The following COL17A1 variants were observed in gnomAD, a reference collection of about 807,000 sequenced individuals.
The protein encoded by COL17A1 is collagen alpha-1(XVII) chain.
Under a neutral mutation model 218.4 loss-of-function variants are expected in COL17A1, and 181 were observed. The observed-to-expected ratio is 0.83, with a 90% CI of 0.73 to 0.94. COL17A1 has a LOEUF of 0.94. Among genes scored for constraint, COL17A1 ranks in the 40% least tolerant of loss-of-function variants. The probability of loss-of-function intolerance (pLI) is 0.00; values close to 1 mark genes in which losing one functional copy is unlikely to be tolerated. For missense variants in COL17A1, 1,924 were observed against 1,945.9 expected, an observed-to-expected ratio of 0.99 and a Z score of 0.21; for synonymous variants, 721 against 731.0, an observed-to-expected ratio of 0.99 and a Z score of 0.22.
At chr10:104,054,712 G>A (rs1355992401) in intron 20 of COL17A1, among the ~76,000 whole-genome samples, 3 of 152,162 alleles carry the variant, frequency 2.0e-5, no homozygotes, top group Non-Finnish European at 4.4e-5. Flanking sequence ...TACCCCCTGA[G>A]TCAAAGGCTC....
chr10:104,039,272 C>T, intron 43 of COL17A1, 151 bp from the exon 44 acceptor site: 1 of 1,015,044 alleles, frequency 9.9e-7, no homozygotes, highest in South Asian at 1.3e-5. Flanking sequence ...TGTACAGAGG[C>T]TATATCACCA....
In COL17A1 at chr10:104,055,810, C is replaced by T. The variant is rs752394458; in HGVS notation, c.1659G>A (p.Arg553=). The T allele has an allele frequency of 6.2e-7, 1 of 1,614,186 alleles. No homozygotes were observed. The highest frequency in any genetic ancestry group is 2.2e-5 in the East Asian group (1 of 44,878). ...TTTCCTGTTCCATCATTAGCTTCTT[C>T]CTCACGAACATCCAGAGCTCCTCCT... ...DSQEELWMFV[R]KKLMMEQENG... The change falls in exon 18 of 56, where the codon AGG becomes AGA. Residue 553 remains arginine (R), a synonymous_variant. Coordinates refer to ENST00000648076, the MANE Select transcript of COL17A1 (RefSeq NM_000494.4).
intron 6 of COL17A1, chr10:104,073,959 T>C: frequency 3.5e-6 from 2 of 579,388 alleles, no homozygotes; most frequent in Non-Finnish European, 3.0e-6. Context: ...ACCATTTCTA[T>C]AGTGCCACGA....
chr10:104,077,501 A>G lies in COL17A1; in HGVS notation c.123T>C (p.Ala41=). The change falls in exon 4 of 56, where the codon GCT becomes GCC. Residue 41 remains alanine (A), a synonymous_variant. Coordinates refer to ENST00000648076, the MANE Select transcript of COL17A1 (RefSeq NM_000494.4). ...PPKGGTSNGY[A]KTASLGGGSR... ...TCCCTCCACCAAGAGAGGCTGTTTT[A>G]GCATAGCCATTGCTGGTCCCGCCTT... The G allele has an allele frequency of 1.2e-6, 2 of 1,613,064 alleles. No individual in the cohort carries two copies. Among genetic ancestry groups the G allele is most frequent in the Non-Finnish European group, 1.7e-6 (2 of 1,179,794 alleles).
At chr10:104,043,073 A>C (rs931709472) in intron 35 of COL17A1, among the ~76,000 whole-genome samples, 1 of 152,208 alleles carries the variant, frequency 6.6e-6, no homozygotes, top group Non-Finnish European at 1.5e-5. Flanking sequence ...TTTTCTTCAA[A>C]TAGATACCTA....
chr10:104,050,176 A>G, intron 27 of COL17A1, 52 bp from the exon 28 acceptor site: 2 of 1,612,854 alleles, frequency 1.2e-6, no homozygotes, highest in Non-Finnish European at 1.7e-6. Context: ...AGCAAGGAAA[A>G]CACTCTCACC....
At position 104,034,319 on chromosome 10, in the gene COL17A1, C is replaced by T. The variant is rs1292479072; in HGVS notation, c.3782G>A (p.Ser1261Asn). The part of the protein sequence containing the change: ...ISYLTSPDVR[S>N]FIVGPPGPPG... ...AGGGCCTGGGGGGCCAACAATGAAG[C>T]TGCGCACATCAGGACCTGCAGGGTG... The change falls in exon 52 of 56, where the codon AGC (serine) becomes AAC (asparagine). Residue 1261 changes from serine to asparagine, a missense_variant. Transcript: ENST00000648076. 2 of 1,562,154 alleles carry T rather than the reference C, an allele frequency of 1.3e-6. No individual in the cohort carries two copies. The highest frequency in any genetic ancestry group is 1.4e-5 in the African/African-American group (1 of 73,736).
chr10:104,036,311 C>G (rs2086298048), intron 48 of COL17A1, among the ~76,000 whole-genome samples, 181 bp downstream of exon 48: 1 of 147,262 alleles, frequency 6.8e-6, no homozygotes, highest in South Asian at 2.2e-4. Flanking sequence ...GCTTTCCTTG[C>G]CATGCTTCTT....
At chr10:104,082,724 A>T (rs1198768214) in intron 1 of COL17A1, among the ~76,000 whole-genome samples, 1 of 152,192 alleles carries the variant, frequency 6.6e-6, no homozygotes, top group African/African-American at 2.4e-5. Flanking sequence ...TTTGCTAAGA[A>T]TACAGTCTCC....
chr10:104,034,551 C>G, intron 51 of COL17A1, 70 bp downstream of exon 51: 1 of 1,566,802 alleles, frequency 6.4e-7, no homozygotes, highest in Non-Finnish European at 8.7e-7. Flanking sequence ...TAAGTGCCTC[C>G]CTGCCCCACT....
intron 46 of COL17A1, among the ~76,000 whole-genome samples, 163 bp from the exon 47 acceptor site, chr10:104,037,276 C>G (rs1387515248): frequency 7.9e-6 from 1 of 127,220 alleles, no homozygotes; most frequent in African/African-American, 2.8e-5. Flanking sequence ...AAGTCAAATA[C>G]TGTTGTTGGG....
intron 19 of COL17A1, 121 bp downstream of exon 19, chr10:104,055,251 A>G (rs1487429829): frequency 1.9e-6 from 3 of 1,538,752 alleles, no homozygotes; most frequent in Non-Finnish European, 2.7e-6. Flanking sequence ...CAGATACCAT[A>G]AGATCATTCA....
At chr10:104,084,204 A>T (rs1009483407) in intron 1 of COL17A1, among the ~76,000 whole-genome samples, 6 of 152,244 alleles carry the variant, frequency 3.9e-5, no homozygotes, top group Admixed American at 1.3e-4. Flanking sequence ...AATAATGGCA[A>T]ATGAAACAAA....
intron 18 of COL17A1, 53 bp downstream of exon 18, chr10:104,055,729 C>A: frequency 6.2e-7 from 1 of 1,607,220 alleles, no homozygotes; most frequent in Non-Finnish European, 8.5e-7. Flanking sequence ...CACATAGATG[C>A]AAAGAAGAAA....
Position 104,047,075 on chromosome 10 carries a change from C to T in COL17A1, c.2336-302G>A, listed in dbSNP as rs539741879. On this transcript the variant is annotated intron_variant, in intron 31 of 55. Transcript: ENST00000648076. Reference sequence around the variant, plus strand: ...ACAAATCCGGAATGCTCAACACTCACGGATCCCAATGCTGCCCCAGGTTCC... The same window carrying T: ...ACAAATCCGGAATGCTCAACACTCATGGATCCCAATGCTGCCCCAGGTTCC... 4.8e-4 allele frequency among the ~76,000 whole-genome samples: 73 copies of T among 152,320 alleles called. 1 individual carries two copies. The highest frequency in any genetic ancestry group is 1.7e-3 in the African/African-American group (72 of 41,564).
chr10:104,039,370 T>C (rs1177040253), intron 43 of COL17A1, 75 bp downstream of exon 43: 1 of 1,484,266 alleles, frequency 6.7e-7, no homozygotes, highest in East Asian at 2.3e-5. Context: ...CTTGCTGCCA[T>C]CTCTTCAGGC....
chr10:104,042,091 C>G (rs907486816), intron 36 of COL17A1, among the ~76,000 whole-genome samples: 1 of 152,152 alleles, frequency 6.6e-6, no homozygotes. Flanking sequence ...TTAAAGGACC[C>G]GGGAGTGAGT....
rs776258288 is a variant in COL17A1, at chr10:104,060,073, T to G, written c.1141+46A>C. On this transcript the variant is annotated intron_variant, in intron 14 of 55. Coordinates refer to ENST00000648076, the MANE Select transcript of COL17A1 (RefSeq NM_000494.4). ...TGCTAGGACATTTGGTCTCCTACACTATTTGGCTTTCTTCTGAAACCCAAG... is the reference window on the plus strand; with the variant it reads ...TGCTAGGACATTTGGTCTCCTACACGATTTGGCTTTCTTCTGAAACCCAAG... 4 of 1,612,644 alleles carry G rather than the reference T, an allele frequency of 2.5e-6. No homozygotes were observed. The Admixed American group carries it at 6.7e-5, about 27-fold the overall frequency.
Position 104,032,988 on chromosome 10 carries a change from C to T in COL17A1, c.4295-20G>A, listed in dbSNP as rs1451142167. 9.3e-6 allele frequency: 15 copies of T among 1,611,714 alleles called. No homozygotes were observed. The Middle Eastern group carries it at 6.6e-4, about 71-fold the overall frequency. ...CATAAGCTGCAAAAGCAAGGAAACA[C>T]TGGCCTTAGAGTCTTGATCACCTGG... On this transcript the variant is annotated intron_variant, in intron 53 of 55. Transcript: ENST00000648076.
Sources: allele counts gnomAD v4.1 joint callset (sites outside exome capture counted in the v4.1 genomes callset), GRCh38; gene constraint gnomAD v4.1.1; transcripts MANE v1.5; gene names NCBI Gene and HGNC (gene_info 2026-07-23, HGNC 2026-07-21).